MINDY3: variants seen among roughly 807,000 people sequenced by gnomAD.
MINDY3 encodes the protein ubiquitin carboxyl-terminal hydrolase MINDY-3.
Under a neutral mutation model 69.2 loss-of-function variants are expected in MINDY3, and 38 were observed. That is an observed-to-expected ratio of 0.55 (90% CI 0.42 to 0.72). The LOEUF (loss-of-function observed/expected upper bound fraction) is 0.72, where lower values mean the gene tolerates loss of function less well. Among genes scored for constraint, MINDY3 ranks in the 30% least tolerant of loss-of-function variants. The pLI is 0.00. For synonymous variants in MINDY3, 192 were observed against 180.1 expected (o/e 1.07, Z -0.53); for missense variants, 522 against 519.0 (o/e 1.01, Z -0.06).
intron 10 of MINDY3, among the ~76,000 whole-genome samples, chr10:15,805,927 C>T (rs899172773): frequency 2.0e-5 from 3 of 152,168 alleles, no homozygotes; most frequent in Admixed American, 1.3e-4. Context: ...CTGTGGTGTG[C>T]TCCAGTACAG....
At chr10:15,798,187 A>T (rs926676311) in intron 10 of MINDY3, among the ~76,000 whole-genome samples, 2 of 152,154 alleles carry the variant, frequency 1.3e-5, no homozygotes, top group African/African-American at 4.8e-5. Context: ...ACTATGATCT[A>T]AACAGAAGAA....
At chr10:15,792,580 T>C (rs576344083) in intron 11 of MINDY3, among the ~76,000 whole-genome samples, 4 of 152,076 alleles carry the variant, frequency 2.6e-5, no homozygotes, top group Non-Finnish European at 5.9e-5. Flanking sequence ...AGAGAATGCC[T>C]AGGGAGTGGT....
intron 14 of MINDY3, 49 bp from the exon 15 acceptor site, chr10:15,779,190 T>C (rs942413075): frequency 6.4e-7 from 1 of 1,551,212 alleles, no homozygotes; most frequent in Non-Finnish European, 8.7e-7. Flanking sequence ...TCTTAGCAAA[T>C]TCTTATGTGG....
intron 1 of MINDY3, among the ~76,000 whole-genome samples, chr10:15,848,628 C>T (rs1834024782): frequency 1.6e-5 from 1 of 63,716 alleles, no homozygotes; most frequent in Non-Finnish European, 2.5e-5. Context: ...AGCTAGACTT[C>T]ATCTCAAAAA....
Position 15,816,816 on chromosome 10 carries a change from A to C in MINDY3, c.882+19T>G, listed in dbSNP as rs768949057. 6.4e-7 allele frequency: 1 copy of C among 1,569,766 alleles called. No individual in the cohort carries two copies. The highest frequency in any genetic ancestry group is 1.4e-5 in the African/African-American group (1 of 73,822). On this transcript the variant is annotated intron_variant, in intron 10 of 14. Transcript: ENST00000277632. ...TGCCTGATGTCATAACTTAAAAAAAAATCCTGCTATAAGCATACCTTGGCA... is the reference window on the plus strand; with the variant it reads ...TGCCTGATGTCATAACTTAAAAAAACATCCTGCTATAAGCATACCTTGGCA...
At chr10:15,843,151 T>C (rs1057476808) in intron 3 of MINDY3, 61 bp downstream of exon 3, 1 of 1,333,718 alleles carries the variant, frequency 7.5e-7, no homozygotes, top group Admixed American at 1.9e-5. Context: ...CTCAGATAAT[T>C]TTAGATCATC....
chr10:15,781,695 T>C (rs1836543986), intron 14 of MINDY3, among the ~76,000 whole-genome samples: 1 of 152,168 alleles, frequency 6.6e-6, no homozygotes, highest in Non-Finnish European at 1.5e-5. Context: ...CAACACTTCC[T>C]TCATAAGGTG....
At chr10:15,806,877 G>C (rs1211670046) in intron 10 of MINDY3, among the ~76,000 whole-genome samples, 1 of 152,106 alleles carries the variant, frequency 6.6e-6, no homozygotes, top group East Asian at 1.9e-4. Flanking sequence ...TTTCATTCAA[G>C]TATAATCTTT....
intron 10 of MINDY3, among the ~76,000 whole-genome samples, chr10:15,799,719 C>T (rs1838117659): frequency 6.6e-6 from 1 of 152,000 alleles, no homozygotes; most frequent in Admixed American, 6.6e-5. Context: ...AGAACTGTGA[C>T]AGAAAAGGAG....
At chr10:15,830,911 C>T (rs556183457) in intron 8 of MINDY3, among the ~76,000 whole-genome samples, 165 of 152,238 alleles carry the variant, frequency 1.1e-3, no homozygotes, top group African/African-American at 3.9e-3. Context: ...TTGTTTTAGG[C>T]AGTAGAAGCC....
intron 8 of MINDY3, among the ~76,000 whole-genome samples, chr10:15,827,273 A>T (rs918169381): frequency 2.0e-4 from 30 of 151,374 alleles, no homozygotes; most frequent in African/African-American, 6.8e-4. Flanking sequence ...CAGGCGCGGT[A>T]GCTCACGCCT....
At chr10:15,830,874 T>C (rs1840409987) in intron 8 of MINDY3, among the ~76,000 whole-genome samples, 1 of 152,184 alleles carries the variant, frequency 6.6e-6, no homozygotes, top group South Asian at 2.1e-4. Flanking sequence ...AAGAGGTTTG[T>C]GGCCTGGTCG....
intron 1 of MINDY3, among the ~76,000 whole-genome samples, chr10:15,856,584 C>A (rs1326116089): frequency 6.6e-6 from 1 of 152,120 alleles, no homozygotes; most frequent in African/African-American, 2.4e-5. Flanking sequence ...CAAACTACAA[C>A]CCTCATCTGC....
intron 8 of MINDY3, 58 bp downstream of exon 8, chr10:15,833,572 T>C (rs1832875145): frequency 9.2e-7 from 1 of 1,082,240 alleles, no homozygotes; most frequent in Admixed American, 1.7e-5. Flanking sequence ...AATAATCAGC[T>C]GTATTCCAAT....
At chr10:15,859,466 ATAAAGCGCCCAGCCTG>A (rs1389184651) in intron 1 of MINDY3, among the ~76,000 whole-genome samples, 1 of 152,194 alleles carries the variant, frequency 6.6e-6, no homozygotes, top group Non-Finnish European at 1.5e-5. Context: ...AGTTACTAGT[ATAAAGCGCCCAGCCTG>A]TTACAGTGCA....
chr10:15,827,454 T>C (rs928955704), intron 8 of MINDY3, among the ~76,000 whole-genome samples: 1 of 151,662 alleles, frequency 6.6e-6, no homozygotes, highest in Non-Finnish European at 1.5e-5. Flanking sequence ...GGCAGGAGAA[T>C]TGCTTGAACC....
chr10:15,838,779 TTG>T (rs1165847031), intron 4 of MINDY3, among the ~76,000 whole-genome samples: 2 of 151,788 alleles, frequency 1.3e-5, no homozygotes, highest in African/African-American at 4.8e-5. Context: ...CCTCATTTAT[TTG>T]TATAACTGTT....
chr10:15,783,472 C>T (rs1160691800), intron 13 of MINDY3, among the ~76,000 whole-genome samples: 1 of 152,024 alleles, frequency 6.6e-6, no homozygotes, highest in Non-Finnish European at 1.5e-5. Context: ...TTTTACTCTT[C>T]TCTAAAATGC....
At chr10:15,840,799 A>C (rs1227109517) in intron 4 of MINDY3, among the ~76,000 whole-genome samples, 1 of 151,660 alleles carries the variant, frequency 6.6e-6, no homozygotes, top group Non-Finnish European at 1.5e-5. Context: ...GGTCAATTAC[A>C]TAACAATTTT....
Sources: allele counts gnomAD v4.1 joint callset (sites outside exome capture counted in the v4.1 genomes callset), GRCh38; gene constraint gnomAD v4.1.1; transcripts MANE v1.5; gene names NCBI Gene and HGNC (gene_info 2026-07-23, HGNC 2026-07-21).